MYH11: variants seen among roughly 807,000 people sequenced by gnomAD.
MYH11 encodes the protein myosin-11.
A neutral mutation model predicts 246.6 loss-of-function variants in MYH11; 80 were observed. The ratio of observed to expected loss-of-function variants is 0.32; its 90% confidence interval spans 0.27 to 0.39. The LOEUF is 0.39. Among genes scored for constraint, MYH11 ranks in the 10% least tolerant of loss-of-function variants. The pLI is 1.00. For missense variants in MYH11, 2,158 were observed against 2,546.8 expected, an observed-to-expected ratio of 0.85 and a Z score of 3.29; for synonymous variants, 1,071 against 1,015.5, an observed-to-expected ratio of 1.05 and a Z score of -1.04.
chr16:15,829,046 T>C (rs1461330626), intron 2 of MYH11, among the ~76,000 whole-genome samples: 1 of 151,732 alleles, frequency 6.6e-6, no homozygotes, highest in Admixed American at 6.6e-5. Flanking sequence ...TAGCTGGGTG[T>C]GGTGGCGCAT....
chr16:15,762,706 G>A (rs537478419), intron 10 of MYH11, among the ~76,000 whole-genome samples: 1 of 152,272 alleles, frequency 6.6e-6, no homozygotes, highest in East Asian at 1.9e-4. Context: ...ATCCACGAAT[G>A]CTCAAGGAGA....
chr16:15,770,912 C>T (rs768703588), intron 9 of MYH11, among the ~76,000 whole-genome samples: 2 of 151,954 alleles, frequency 1.3e-5, no homozygotes, highest in Admixed American at 1.3e-4. Flanking sequence ...ACAATGTAGT[C>T]GAGAGAGATA....
chr16:15,733,190 T>A lies in MYH11; in HGVS notation c.3507-482A>T, dbSNP rs2041016679. Among the ~76,000 whole-genome samples, 4 of 152,194 alleles carry A rather than the reference T, an allele frequency of 2.6e-5. No homozygotes were observed. The South Asian group carries it at 6.2e-4, about 24-fold the overall frequency. On this transcript the variant is annotated intron_variant, in intron 26 of 40. Coordinates refer to ENST00000300036, the MANE Select transcript of MYH11 (RefSeq NM_002474.3). Reference sequence around the variant, plus strand: ...CCATGGTGTCACAGCCATTGTGTGATGGAGCCAGAATTAGAAGCTAAACCT... The same window carrying A: ...CCATGGTGTCACAGCCATTGTGTGAAGGAGCCAGAATTAGAAGCTAAACCT...
In MYH11 at chr16:15,737,484, G is replaced by A; in HGVS notation, c.3258C>T (p.Ala1086=). ...CCGCCTGCAGCTCCTCCTCCTTCTT[G>A]GCCAGCTGCATCTTGAGCTCTGCGA... The part of the protein sequence containing the change: ...AQIAELKMQL[A]KKEEELQAAL... The change falls in exon 25 of 41, where the codon GCC becomes GCT. Residue 1086 remains alanine, a synonymous_variant. Coordinates refer to ENST00000300036, the MANE Select transcript of MYH11 (RefSeq NM_002474.3). 1 of 1,613,734 alleles carries A rather than the reference G, an allele frequency of 6.2e-7. No individual in the cohort carries two copies. The highest frequency in any genetic ancestry group is 1.1e-5 in the South Asian group (1 of 91,086).
chr16:15,826,008 G>C (rs1306442247), intron 2 of MYH11, among the ~76,000 whole-genome samples: 1 of 152,126 alleles, frequency 6.6e-6, no homozygotes, highest in Non-Finnish European at 1.5e-5. Context: ...AGAGGGTTAA[G>C]TGACTTGACC....
chr16:15,723,053 G>A (rs926830084), intron 31 of MYH11, among the ~76,000 whole-genome samples: 17 of 152,208 alleles, frequency 1.1e-4, no homozygotes, highest in Admixed American at 2.6e-4. Flanking sequence ...CTCTCAAACT[G>A]ATTTTTAGAA....
intron 1 of MYH11, among the ~76,000 whole-genome samples, chr16:15,855,804 A>C (rs188816654): frequency 1.3e-5 from 2 of 152,388 alleles, no homozygotes; most frequent in South Asian, 2.1e-4. Flanking sequence ...AAATCAAAGA[A>C]ACAAAAAACT....
At chr16:15,832,799 T>TCTAAGC (rs2043775028) in intron 2 of MYH11, among the ~76,000 whole-genome samples, 2 of 152,098 alleles carry the variant, frequency 1.3e-5, no homozygotes, top group South Asian at 4.2e-4. Flanking sequence ...CACCTCCTGC[T>TCTAAGC]CTAAGCCTAT....
intron 20 of MYH11, 31 bp from the exon 21 acceptor site, chr16:15,741,922 T>G (rs1261122474): frequency 6.2e-7 from 1 of 1,613,972 alleles, no homozygotes; most frequent in South Asian, 1.1e-5. Context: ...CATCATTTGT[T>G]TTTGTGGCAA....
intron 2 of MYH11, among the ~76,000 whole-genome samples, chr16:15,829,676 C>T (rs1387792705): frequency 6.6e-6 from 1 of 152,146 alleles, no homozygotes; most frequent in Admixed American, 6.5e-5. Context: ...AGCTGCAGGC[C>T]CAGGATTTCC....
intron 4 of MYH11, among the ~76,000 whole-genome samples, chr16:15,788,794 ATATATGTGTGTG>A (rs1159565751): frequency 1.1e-4 from 12 of 107,722 alleles, no homozygotes; most frequent in African/African-American, 4.0e-4. Context: ...TAAGACCAGA[ATATATGTGTGTG>A]TGTGTGTGTG....
At chr16:15,832,932 A>G (rs2043778519) in intron 2 of MYH11, among the ~76,000 whole-genome samples, 1 of 137,226 alleles carries the variant, frequency 7.3e-6, no homozygotes, top group African/African-American at 2.7e-5. Context: ...TCTGAGCTTC[A>G]GCAACCTCAT....
At chr16:15,830,909 A>C (rs2043718821) in intron 2 of MYH11, among the ~76,000 whole-genome samples, 1 of 151,224 alleles carries the variant, frequency 6.6e-6, no homozygotes, top group Non-Finnish European at 1.5e-5. Context: ...CAGTGGCTTA[A>C]GCCTGTAATC....
chr16:15,804,843 C>T (rs1469334892), intron 3 of MYH11, among the ~76,000 whole-genome samples: 1 of 152,178 alleles, frequency 6.6e-6, no homozygotes, highest in Non-Finnish European at 1.5e-5. Context: ...AGACTTTATG[C>T]CTATTTGTGG....
chr16:15,714,469 C>G, intron 40 of MYH11: 1 of 232,700 alleles, frequency 4.3e-6, no homozygotes. Context: ...CCCCCATACC[C>G]GAGAATAATG....
At chr16:15,757,508 T>G (rs1347076237) in intron 13 of MYH11, among the ~76,000 whole-genome samples, 1 of 65,484 alleles carries the variant, frequency 1.5e-5, no homozygotes, top group Non-Finnish European at 2.7e-5. Context: ...GACCATGTCA[T>G]AAAAAAAAAA....
intron 27 of MYH11, among the ~76,000 whole-genome samples, chr16:15,728,940 G>C (rs2040878724): frequency 6.6e-6 from 1 of 151,980 alleles, no homozygotes; most frequent in Non-Finnish European, 1.5e-5. Flanking sequence ...ACGCGGTGAG[G>C]GGCTTCTTTC....
chr16:15,712,577 C>T (rs541891429), intron 40 of MYH11, among the ~76,000 whole-genome samples: 1 of 152,252 alleles, frequency 6.6e-6, no homozygotes, highest in South Asian at 2.1e-4. Flanking sequence ...GCCTGGGCAA[C>T]AGAGCAAGAC....
At chr16:15,723,843 A>C (rs937868170) in intron 31 of MYH11, among the ~76,000 whole-genome samples, 3 of 152,220 alleles carry the variant, frequency 2.0e-5, no homozygotes, top group Non-Finnish European at 4.4e-5. Flanking sequence ...GTATTCAGTA[A>C]ATACATTTAG....
Sources: gnomAD v4.1 joint callset for allele counts (sites outside exome capture counted in the v4.1 genomes callset) on GRCh38, gnomAD v4.1.1 for gene constraint, MANE v1.5 for transcripts, NCBI Gene and HGNC (gene_info 2026-07-23, HGNC 2026-07-21) for gene names.